Variants in ANO10 observed in about 807,000 individuals in gnomAD.
The protein encoded by ANO10 is anoctamin-10.
In ANO10, 77 loss-of-function variants were observed where a neutral mutation model predicts 74.7. That is an observed-to-expected ratio of 1.03 (90% CI 0.86 to 1.25). ANO10 has a LOEUF of 1.25. Ranked by LOEUF, ANO10 falls within the 50% of genes most tolerant of loss-of-function variation. The pLI, the probability that ANO10 is intolerant of heterozygous loss-of-function variation, is 0.00. For synonymous variants in ANO10, 279 were observed against 284.9 expected (o/e 0.98, Z 0.21); for missense variants, 721 against 778.1 (o/e 0.93, Z 0.87).
chr3:43,625,839 A>G (rs923991329), upstream of ANO10, among the ~76,000 whole-genome samples: 23 of 151,120 alleles, frequency 1.5e-4, no homozygotes, highest in African/African-American at 5.6e-4. Flanking sequence ...GAAAACTTCT[A>G]TTTCTAACTG....
intron 11 of ANO10, among the ~76,000 whole-genome samples, chr3:43,493,870 GTAC>G (rs1355186521): frequency 6.6e-6 from 1 of 152,080 alleles, no homozygotes; most frequent in Non-Finnish European, 1.5e-5. Context: ...TGAGTAGCTA[GTAC>G]TACAGGCACA....
chr3:43,445,177 T>C (rs1476615215), intron 11 of ANO10, among the ~76,000 whole-genome samples: 1 of 139,942 alleles, frequency 7.1e-6, no homozygotes, highest in Admixed American at 7.1e-5. Context: ...TGGTTTCTAA[T>C]ACCATTGTCC....
chr3:43,643,842 C>A (rs1378639082), intron 1 of ANO10, among the ~76,000 whole-genome samples: 2 of 151,674 alleles, frequency 1.3e-5, no homozygotes, highest in African/African-American at 4.9e-5. Flanking sequence ...CGCCACCACG[C>A]CCAGCTAATT....
At chr3:43,676,838 A>AT (rs11443612) in intron 1 of ANO10, among the ~76,000 whole-genome samples, 15,493 of 148,340 alleles carry the variant, frequency 0.1, 1,096 homozygotes, top group South Asian at 0.21. Context: ...TAACCAGATA[A>AT]TTTTTTTTTT....
At chr3:43,412,598 CA>C (rs1191000615) in intron 12 of ANO10, among the ~76,000 whole-genome samples, 1 of 152,210 alleles carries the variant, frequency 6.6e-6, no homozygotes, top group Non-Finnish European at 1.5e-5. Context: ...AAATCTTTGA[CA>C]TAACTTCTCG....
In ANO10 at chr3:43,561,320, T is replaced by C; in HGVS notation, c.1376A>G (p.His459Arg). Residue 459 changes from histidine to arginine, a missense_variant, in exon 9 of 13, where the codon CAT becomes CGT. His to Arg is a conservative substitution (Grantham distance 29, BLOSUM62 0). Coordinates refer to ENST00000292246, the MANE Select transcript of ANO10 (RefSeq NM_018075.5). ...SFLPYWLQRK[H>R]GVRVKRKVQA... ...CACCTTCCTCTTCACCCGCACACCA[T>C]GCTTCCTTTGGAGCCAATAAGGAAG... The C allele has an allele frequency of 6.2e-7, 1 of 1,614,162 alleles. No homozygotes were observed. Among genetic ancestry groups the C allele is most frequent in the Admixed American group, 1.7e-5 (1 of 60,008 alleles).
intron 1 of ANO10, among the ~76,000 whole-genome samples, chr3:43,650,072 G>T (rs1005796765): frequency 3.3e-5 from 5 of 152,366 alleles, no homozygotes; most frequent in South Asian, 2.1e-4. Flanking sequence ...CAGAGGGCCA[G>T]TGTGACAGCT....
At chr3:43,556,534 T>C (rs1157803860) in intron 9 of ANO10, among the ~76,000 whole-genome samples, 1 of 152,320 alleles carries the variant, frequency 6.6e-6, no homozygotes, top group African/African-American at 2.4e-5. Context: ...CAGCACCTTT[T>C]ACACTTCTGA....
chr3:43,650,657 C>T (rs2083777164), intron 1 of ANO10, among the ~76,000 whole-genome samples: 2 of 152,172 alleles, frequency 1.3e-5, no homozygotes, highest in South Asian at 4.1e-4. Flanking sequence ...AGCACACATA[C>T]AAGAATTAAA....
At chr3:43,525,791 G>T (rs2078171403) in intron 11 of ANO10, among the ~76,000 whole-genome samples, 1 of 152,114 alleles carries the variant, frequency 6.6e-6, no homozygotes, top group Non-Finnish European at 1.5e-5. Flanking sequence ...CCTCTCCATT[G>T]TGAGTTTTCC....
chr3:43,537,392 T>C (rs1222662909), intron 11 of ANO10, among the ~76,000 whole-genome samples: 1 of 152,194 alleles, frequency 6.6e-6, no homozygotes, highest in Non-Finnish European at 1.5e-5. Flanking sequence ...CAGGCTTAAT[T>C]ATTAGCACAG....
At chr3:43,562,788 A>T (rs1424794746) in intron 8 of ANO10, among the ~76,000 whole-genome samples, 1 of 152,132 alleles carries the variant, frequency 6.6e-6, no homozygotes, top group African/African-American at 2.4e-5. Flanking sequence ...ACCCCTCTCT[A>T]TCACCACAAA....
intron 12 of ANO10, among the ~76,000 whole-genome samples, chr3:43,393,093 A>G (rs924759158): frequency 6.6e-6 from 1 of 152,270 alleles, no homozygotes; most frequent in Non-Finnish European, 1.5e-5. Flanking sequence ...CCATGGCCTC[A>G]GCCACATCTA....
At chr3:43,483,229 T>C (rs2149091939) in intron 11 of ANO10, among the ~76,000 whole-genome samples, 1 of 152,352 alleles carries the variant, frequency 6.6e-6, no homozygotes, top group South Asian at 2.1e-4. Flanking sequence ...ACTTCCTGCG[T>C]AACTCTAGCA....
At chr3:43,588,963 C>CA (rs2081598971) in intron 4 of ANO10, among the ~76,000 whole-genome samples, 2 of 152,146 alleles carry the variant, frequency 1.3e-5, no homozygotes, top group Non-Finnish European at 2.9e-5. Flanking sequence ...AAACAAAGTA[C>CA]AAGGGACACA....
chr3:43,455,498 GC>G (rs569434200), intron 11 of ANO10, among the ~76,000 whole-genome samples: 2 of 151,954 alleles, frequency 1.3e-5, no homozygotes, highest in Non-Finnish European at 2.9e-5. Flanking sequence ...GGTGAGTCAG[GC>G]CCTTAAGTCC....
At chr3:43,599,107 T>A (rs1162655054) in intron 3 of ANO10, among the ~76,000 whole-genome samples, 2 of 152,236 alleles carry the variant, frequency 1.3e-5, no homozygotes, top group African/African-American at 4.8e-5. Flanking sequence ...CAGTCAAACA[T>A]CCCTTCTACT....
At chr3:43,689,597 C>T (rs896081164) in intron 1 of ANO10, 1 of 152,190 alleles carries the variant, frequency 6.6e-6, no homozygotes, top group African/African-American at 2.4e-5. Context: ...GCTTTCCCCC[C>T]TCTAAATTAC....
rs1021476691 is a variant in ANO10 at position 43,595,930 on chromosome 3, C to G, written c.472+2602G>C. Reference sequence around the variant, plus strand: ...TCAGCAAAGTCTCAGGATACAATATCAATGTGCAAAAATCACAAGCATTCC... The same window carrying G: ...TCAGCAAAGTCTCAGGATACAATATGAATGTGCAAAAATCACAAGCATTCC... On this transcript the variant is annotated intron_variant, in intron 4 of 12. Coordinates refer to ENST00000292246, the MANE Select transcript of ANO10 (RefSeq NM_018075.5). Among the ~76,000 whole-genome samples the G allele has an allele frequency of 3.9e-4, 60 of 152,132 alleles. 1 individual carries two copies. The highest frequency in any genetic ancestry group is 2.9e-5 in the Non-Finnish European group (2 of 68,034).
Sources: gnomAD v4.1 joint callset for allele counts (sites outside exome capture counted in the v4.1 genomes callset) on GRCh38, gnomAD v4.1.1 for gene constraint, MANE v1.5 for transcripts, NCBI Gene and HGNC (gene_info 2026-07-23, HGNC 2026-07-21) for gene names.